PRKCE: variants seen among roughly 807,000 people sequenced by gnomAD.
The protein encoded by PRKCE is protein kinase C epsilon.
Under a neutral mutation model 85.4 loss-of-function variants are expected in PRKCE, and 16 were observed. The ratio of observed to expected loss-of-function variants is 0.19; its 90% CI spans 0.13 to 0.28. The LOEUF (loss-of-function observed/expected upper bound fraction) is 0.28. Ranked by LOEUF, PRKCE falls within the 10% of genes least tolerant of loss-of-function variation. PRKCE has a pLI of 1.00. For missense variants in PRKCE, 573 were observed against 975.2 expected (o/e 0.59, Z 5.49); for synonymous variants, 388 against 371.5 (o/e 1.04, Z -0.51).
rs977011460 is a variant in PRKCE at position 46,135,938 on chromosome 2, C to T, written c.1593-9155C>T. Among the ~76,000 whole-genome samples the T allele has an allele frequency of 4.7e-5, 7 of 150,356 alleles. 1 individual carries two copies. The highest frequency in any genetic ancestry group is 9.8e-5 in the African/African-American group (4 of 40,758). ...TGCCACAATGTTGATCTGGAAAAAA[C>T]GTCTTTCTCTCAAGTGTATTGTTAA... On this transcript the variant is annotated intron_variant, in intron 11 of 14. Coordinates refer to ENST00000306156, the MANE Select transcript of PRKCE (RefSeq NM_005400.3).
intron 2 of PRKCE, among the ~76,000 whole-genome samples, chr2:45,959,255 A>G (rs907148335): frequency 5.3e-5 from 8 of 152,180 alleles, no homozygotes; most frequent in Non-Finnish European, 7.3e-5. Context: ...CTAGCCAGAG[A>G]GGCCAGGGCA....
chr2:45,950,555 A>AC (rs1700550600), intron 2 of PRKCE, among the ~76,000 whole-genome samples: 3 of 67,022 alleles, frequency 4.5e-5, no homozygotes, highest in Admixed American at 3.3e-4. Context: ...GGAGAAAATA[A>AC]CTTCAAGGTC....
intron 10 of PRKCE, among the ~76,000 whole-genome samples, chr2:46,082,045 G>T (rs144162462): frequency 6.6e-6 from 1 of 152,266 alleles, no homozygotes; most frequent in African/African-American, 2.4e-5. Context: ...AGTGAGCCAA[G>T]ATCACACCAT....
At chr2:46,048,172 G>A (rs1478016079) in intron 10 of PRKCE, among the ~76,000 whole-genome samples, 1 of 150,552 alleles carries the variant, frequency 6.6e-6, no homozygotes, top group East Asian at 2.0e-4. Flanking sequence ...TAGGGGAAAA[G>A]GAGAACTAAG....
rs934226042 is a variant in PRKCE at position 46,086,375 on chromosome 2, C to T, written c.1592+13C>T. 6 of 1,593,014 alleles carry T rather than the reference C, an allele frequency of 3.8e-6. No homozygotes were observed. Among genetic ancestry groups the T allele is most frequent in the African/African-American group, 1.3e-5 (1 of 74,626 alleles). ...GAGTCATCTACAGGTAGCCTCTTCTCTCCTCCTCTTTCCTGAAAGTGAAGA... is the reference window on the plus strand; with the variant it reads ...GAGTCATCTACAGGTAGCCTCTTCTTTCCTCCTCTTTCCTGAAAGTGAAGA... On this transcript the variant is annotated intron_variant, in intron 11 of 14. Coordinates refer to ENST00000306156, the MANE Select transcript of PRKCE (RefSeq NM_005400.3).
intron 2 of PRKCE, among the ~76,000 whole-genome samples, chr2:45,966,136 C>A (rs1701712588): frequency 6.6e-6 from 1 of 152,118 alleles, no homozygotes; most frequent in African/African-American, 2.4e-5. Flanking sequence ...CTGTTGGCTG[C>A]ATGGCCTTTC....
At chr2:45,693,609 G>T (rs1677911135) in intron 1 of PRKCE, among the ~76,000 whole-genome samples, 2 of 152,162 alleles carry the variant, frequency 1.3e-5, no homozygotes, top group Admixed American at 1.3e-4. Context: ...GGAAAATGAG[G>T]AGGCTGTCGG....
At position 45,661,972 on chromosome 2, in the gene PRKCE, T is replaced by G. The variant is rs115314797; in HGVS notation, c.348+9524T>G. Among the ~76,000 whole-genome samples, 672 of 152,342 alleles carry G rather than the reference T, an allele frequency of 4.4e-3. 8 individuals carry two copies. Among genetic ancestry groups the G allele is most frequent in the African/African-American group, 0.016 (645 of 41,578 alleles). On this transcript the variant is annotated intron_variant, in intron 1 of 14. Transcript: ENST00000306156. ...ACTATGGCATCTTTTGTTGCCAGTC[T>G]TCTTTCCCCAGGCAGATATAAGCAT...
chr2:46,009,014 G>T (rs1378653076), intron 9 of PRKCE, among the ~76,000 whole-genome samples: 1 of 152,180 alleles, frequency 6.6e-6, no homozygotes, highest in Non-Finnish European at 1.5e-5. Flanking sequence ...TTTTAGCTTT[G>T]ATGACTTACA....
chr2:45,670,007 T>G (rs557392691), intron 1 of PRKCE, among the ~76,000 whole-genome samples: 1 of 152,222 alleles, frequency 6.6e-6, no homozygotes, highest in Admixed American at 6.5e-5. Context: ...TGAGACTCAG[T>G]CTCAAAATAA....
chr2:45,746,964 C>T (rs1683188613), intron 1 of PRKCE, among the ~76,000 whole-genome samples: 1 of 152,140 alleles, frequency 6.6e-6, no homozygotes. Flanking sequence ...AGCCTCAGTC[C>T]CCGCCACCTC....
At chr2:45,983,362 TC>T (rs1180410416) in intron 5 of PRKCE, among the ~76,000 whole-genome samples, 1 of 152,030 alleles carries the variant, frequency 6.6e-6, no homozygotes, top group African/African-American at 2.4e-5. Context: ...CACTTCCTAA[TC>T]CCCGGGGTAG....
At chr2:45,941,038 C>T (rs936991382) in intron 2 of PRKCE, among the ~76,000 whole-genome samples, 4 of 125,700 alleles carry the variant, frequency 3.2e-5, no homozygotes, top group Non-Finnish European at 4.7e-5. Flanking sequence ...TGCACTCCAG[C>T]CTGGGTGACA....
At chr2:45,869,310 G>A (rs1693885401) in intron 2 of PRKCE, among the ~76,000 whole-genome samples, 1 of 152,202 alleles carries the variant, frequency 6.6e-6, no homozygotes, top group South Asian at 2.1e-4. Context: ...AAGATACTGT[G>A]CATTCCGGCC....
At chr2:45,676,030 G>T (rs1676429471) in intron 1 of PRKCE, 1 of 152,158 alleles carries the variant, frequency 6.6e-6, no homozygotes, top group African/African-American at 2.4e-5. Context: ...CTAAAATCAT[G>T]GCCTAGTAGA....
At chr2:45,866,250 G>A (rs1399676531) in intron 2 of PRKCE, among the ~76,000 whole-genome samples, 1 of 152,036 alleles carries the variant, frequency 6.6e-6, no homozygotes, top group Non-Finnish European at 1.5e-5. Flanking sequence ...TAAAAGATAT[G>A]GGTGAGATAA....
intron 1 of PRKCE, among the ~76,000 whole-genome samples, chr2:45,775,836 C>T (rs772952178): frequency 6.6e-6 from 1 of 152,204 alleles, no homozygotes; most frequent in Non-Finnish European, 1.5e-5. Flanking sequence ...GTCTGTACCC[C>T]ACCCCTGCTT....
intron 1 of PRKCE, among the ~76,000 whole-genome samples, chr2:45,689,615 A>G (rs1677569832): frequency 6.6e-6 from 1 of 151,946 alleles, no homozygotes; most frequent in Non-Finnish European, 1.5e-5. Flanking sequence ...AAATGCTTAA[A>G]AGTTTGTTTT....
intron 11 of PRKCE, among the ~76,000 whole-genome samples, chr2:46,121,435 C>G (rs1410498618): frequency 6.6e-6 from 1 of 152,216 alleles, no homozygotes; most frequent in Non-Finnish European, 1.5e-5. Flanking sequence ...GTTCTGTTCT[C>G]TCTGACACCA....
Sources: allele counts gnomAD v4.1 joint callset (sites outside exome capture counted in the v4.1 genomes callset), GRCh38; gene constraint gnomAD v4.1.1; transcripts MANE v1.5; gene names NCBI Gene and HGNC (gene_info 2026-07-23, HGNC 2026-07-21).